The following SGCZ variants were observed in gnomAD, a reference collection of about 807,000 sequenced individuals.
SGCZ encodes the protein sarcoglycan zeta.
In SGCZ, 40 loss-of-function variants were observed where a neutral mutation model predicts 41.3. That is an observed-to-expected ratio of 0.97 (90% CI 0.75 to 1.26). The LOEUF (loss-of-function observed/expected upper bound fraction) is 1.26. Ranked by LOEUF, SGCZ falls within the 50% of genes most tolerant of loss-of-function variation. The pLI is 0.00. For synonymous variants in SGCZ, 206 were observed against 137.5 expected (o/e 1.50, Z -3.49); for missense variants, 552 against 369.8 (o/e 1.49, Z -4.04).
At chr8:14,745,045 T>C (rs1196485250) in intron 1 of SGCZ, among the ~76,000 whole-genome samples, 2 of 152,216 alleles carry the variant, frequency 1.3e-5, no homozygotes, top group Non-Finnish European at 2.9e-5. Flanking sequence ...ATTTACTCTG[T>C]ATAACGTAAA....
At chr8:14,616,342 C>G (rs1806105510) in intron 1 of SGCZ, among the ~76,000 whole-genome samples, 1 of 151,556 alleles carries the variant, frequency 6.6e-6, no homozygotes, top group Non-Finnish European at 1.5e-5. Flanking sequence ...CAGATGATCA[C>G]CATTACAATA....
intron 3 of SGCZ, among the ~76,000 whole-genome samples, chr8:14,267,217 G>T (rs965254773): frequency 6.6e-5 from 10 of 151,838 alleles, no homozygotes; most frequent in Admixed American, 2.6e-4. Context: ...GCATACTGGG[G>T]TATGTATATC....
chr8:14,901,893 C>A (rs568006469), intron 1 of SGCZ, among the ~76,000 whole-genome samples: 15 of 152,004 alleles, frequency 9.9e-5, no homozygotes, highest in Non-Finnish European at 2.1e-4. Context: ...AAGCAGGAAA[C>A]AAAACATGAG....
rs558726833 is a variant in SGCZ, at chr8:14,120,873, T to G, written c.548-12638A>C. On this transcript the variant is annotated intron_variant, in intron 5 of 7. Transcript: ENST00000382080. ...ATTTTACCAAAAACTTTGAATAAATTTAATGCAATCTTAATCAGATCATCA... is the reference window on the plus strand; with the variant it reads ...ATTTTACCAAAAACTTTGAATAAATGTAATGCAATCTTAATCAGATCATCA... 1.8e-3 allele frequency among the ~76,000 whole-genome samples: 278 copies of G among 152,202 alleles called. 1 individual carries two copies. Among genetic ancestry groups the G allele is most frequent in the African/African-American group, 6.4e-3 (268 of 41,562 alleles).
chr8:14,144,509 G>A (rs1803464382), intron 5 of SGCZ, among the ~76,000 whole-genome samples: 1 of 152,202 alleles, frequency 6.6e-6, no homozygotes, highest in South Asian at 2.1e-4. Flanking sequence ...TGGGTGAGAT[G>A]TTGAGACATG....
chr8:14,301,837 T>C (rs1023921729), intron 3 of SGCZ, among the ~76,000 whole-genome samples: 1 of 152,196 alleles, frequency 6.6e-6, no homozygotes, highest in Non-Finnish European at 1.5e-5. Context: ...TATTCATCTA[T>C]CTCTTTTAGA....
At chr8:14,209,638 T>C (rs567850749) in intron 4 of SGCZ, among the ~76,000 whole-genome samples, 67 of 152,322 alleles carry the variant, frequency 4.4e-4, no homozygotes, top group Admixed American at 1.6e-3. Context: ...AAAAGTTGTG[T>C]CAGCAAATGT....
At chr8:15,006,124 G>C (rs142742310) in intron 1 of SGCZ, among the ~76,000 whole-genome samples, 351 of 152,200 alleles carry the variant, frequency 2.3e-3, no homozygotes, top group South Asian at 0.012. Flanking sequence ...TATGCATTGT[G>C]GGAAAGAGAG....
At chr8:14,635,191 T>C (rs1806788995) in intron 1 of SGCZ, among the ~76,000 whole-genome samples, 1 of 151,914 alleles carries the variant, frequency 6.6e-6, no homozygotes, top group Non-Finnish European at 1.5e-5. Flanking sequence ...TAGATATTCG[T>C]CATAAACCAA....
At chr8:14,983,937 C>G (rs996304312) in intron 1 of SGCZ, among the ~76,000 whole-genome samples, 4 of 152,176 alleles carry the variant, frequency 2.6e-5, no homozygotes, top group Non-Finnish European at 4.4e-5. Context: ...CTTATTATCT[C>G]AGGTTGTTTC....
intron 1 of SGCZ, among the ~76,000 whole-genome samples, chr8:14,880,325 A>T (rs1282885809): frequency 1.3e-5 from 2 of 152,170 alleles, no homozygotes; most frequent in Non-Finnish European, 2.9e-5. Flanking sequence ...GAGGATGTGG[A>T]GAAATAGGAA....
intron 2 of SGCZ, among the ~76,000 whole-genome samples, chr8:14,376,719 C>A (rs569374045): frequency 6.6e-5 from 10 of 152,210 alleles, no homozygotes; most frequent in African/African-American, 2.4e-4. Flanking sequence ...GATAAAGGTG[C>A]CATAAAAGAA....
intron 1 of SGCZ, among the ~76,000 whole-genome samples, chr8:15,059,254 C>A (rs1804828469): frequency 1.3e-5 from 2 of 152,048 alleles, no homozygotes; most frequent in African/African-American, 4.8e-5. Flanking sequence ...TCTAAACTAA[C>A]AAAAATATTA....
intron 5 of SGCZ, among the ~76,000 whole-genome samples, chr8:14,124,941 G>A (rs1269368078): frequency 6.6e-6 from 1 of 152,000 alleles, no homozygotes; most frequent in Non-Finnish European, 1.5e-5. Context: ...AGCAACTTCA[G>A]CAATCTCAGG....
intron 1 of SGCZ, among the ~76,000 whole-genome samples, chr8:15,078,055 G>T (rs919958712): frequency 2.6e-5 from 4 of 151,076 alleles, no homozygotes; most frequent in African/African-American, 9.8e-5. Context: ...AGGAATTCAT[G>T]CCTTACGTGG....
intron 1 of SGCZ, among the ~76,000 whole-genome samples, chr8:14,878,302 C>A (rs903889705): frequency 1.3e-5 from 2 of 151,338 alleles, no homozygotes; most frequent in African/African-American, 2.4e-5. Context: ...TAAGAACCAG[C>A]CATGTTTGAA....
At chr8:15,151,521 A>C (rs188058398) in intron 1 of SGCZ, among the ~76,000 whole-genome samples, 12 of 152,298 alleles carry the variant, frequency 7.9e-5, no homozygotes, top group Admixed American at 5.2e-4. Flanking sequence ...GAAAGGCCTA[A>C]ATAGGACTTC....
intron 1 of SGCZ, among the ~76,000 whole-genome samples, chr8:14,829,472 C>T (rs1263287738): frequency 1.3e-5 from 2 of 152,040 alleles, no homozygotes; most frequent in East Asian, 3.9e-4. Context: ...TTCTTGAAGT[C>T]CCCTTGTAAG....
At chr8:14,216,569 A>G (rs1806000201) in intron 4 of SGCZ, among the ~76,000 whole-genome samples, 1 of 152,194 alleles carries the variant, frequency 6.6e-6, no homozygotes. Flanking sequence ...TTGCTCCATG[A>G]CTTAGCGGGA....
Sources: allele counts gnomAD v4.1 joint callset (sites outside exome capture counted in the v4.1 genomes callset), GRCh38; gene constraint gnomAD v4.1.1; transcripts MANE v1.5; gene names NCBI Gene and HGNC (gene_info 2026-07-23, HGNC 2026-07-21).